Variants in KCNMA1 observed in about 807,000 individuals in gnomAD.
The protein encoded by KCNMA1 is potassium calcium-activated channel subfamily M alpha 1, also known as Calcium-activated potassium channel subunit alpha-1.
A neutral mutation model predicts 140.0 loss-of-function variants in KCNMA1; 29 were observed. The observed-to-expected ratio is 0.21, with a 90% confidence interval of 0.15 to 0.28. KCNMA1 has a LOEUF of 0.28. KCNMA1 is among the 10% of genes least tolerant of loss of function. The probability of loss-of-function intolerance (pLI) is 1.00; values close to 1 mark genes in which losing one functional copy is unlikely to be tolerated. For missense variants in KCNMA1, 880 were observed against 1,602.2 expected (o/e 0.55, Z 7.70); for synonymous variants, 612 against 611.9 (o/e 1.00, Z 0.00).
intron 1 of KCNMA1, among the ~76,000 whole-genome samples, chr10:77,492,179 C>G (rs1471004031): frequency 6.6e-6 from 1 of 152,192 alleles, no homozygotes; most frequent in Non-Finnish European, 1.5e-5. Context: ...ATGAAGGTCC[C>G]TCGTGGGCTG....
chr10:77,196,107 T>C (rs2040381313), intron 3 of KCNMA1, among the ~76,000 whole-genome samples: 1 of 152,190 alleles, frequency 6.6e-6, no homozygotes. Flanking sequence ...TTTAATTTTA[T>C]TGTCCTATCT....
chr10:77,258,351 C>G (rs1242864352), intron 2 of KCNMA1, among the ~76,000 whole-genome samples: 1 of 152,130 alleles, frequency 6.6e-6, no homozygotes, highest in Non-Finnish European at 1.5e-5. Context: ...GCAGCACAAT[C>G]AATTGCTCAT....
chr10:76,909,534 T>C (rs914847791), intron 25 of KCNMA1, among the ~76,000 whole-genome samples: 7 of 152,178 alleles, frequency 4.6e-5, no homozygotes, highest in Non-Finnish European at 1.0e-4. Flanking sequence ...TGTCTCCCCA[T>C]GGTCCAGCCT....
chr10:77,474,316 A>G (rs548822394), intron 1 of KCNMA1, among the ~76,000 whole-genome samples: 37 of 152,290 alleles, frequency 2.4e-4, no homozygotes, highest in African/African-American at 8.9e-4. Context: ...TGAACAGGTG[A>G]TTATGGTTAA....
rs990984237 is a variant in KCNMA1 at position 76,914,674 on chromosome 10, G to A, written c.3016+262C>T. ...CCATTCCCAATTGAATGCCCCAATCGCAAATCCATCATCTCATGCTCCTTT... is the reference window on the plus strand; with the variant it reads ...CCATTCCCAATTGAATGCCCCAATCACAAATCCATCATCTCATGCTCCTTT... On this transcript the variant is annotated intron_variant, in intron 24 of 27. Coordinates refer to ENST00000286628, the MANE Select transcript of KCNMA1 (RefSeq NM_001161352.2). 2.5e-5 allele frequency: 10 copies of A among 401,210 alleles called. No homozygotes were observed. In the East Asian group the frequency reaches 3.1e-4, roughly 12 times the overall value. The allele number at this position is 401,210 out of a possible 1,614,324, so 24.9% of individuals were successfully genotyped here. A position where few individuals can be genotyped will look rare whatever the true frequency, so the allele number is the denominator to read the frequency against.
intron 5 of KCNMA1, among the ~76,000 whole-genome samples, chr10:77,167,583 C>A (rs375422472): frequency 2.0e-5 from 3 of 151,992 alleles, no homozygotes; most frequent in East Asian, 3.9e-4. Context: ...ATAATGAAAC[C>A]GGCAATATTT....
intron 3 of KCNMA1, among the ~76,000 whole-genome samples, chr10:77,247,871 C>T (rs776304136): frequency 6.6e-6 from 1 of 152,060 alleles, no homozygotes. Context: ...ACGTAATTAT[C>T]TTTGGTTTTC....
intron 2 of KCNMA1, among the ~76,000 whole-genome samples, chr10:77,354,911 C>T (rs764702370): frequency 1.3e-5 from 2 of 152,204 alleles, no homozygotes; most frequent in Non-Finnish European, 2.9e-5. Flanking sequence ...GTAAACATTT[C>T]TTTGATGCCT....
chr10:77,409,859 C>A (rs1294101279), intron 1 of KCNMA1, among the ~76,000 whole-genome samples: 1 of 152,184 alleles, frequency 6.6e-6, no homozygotes, highest in Non-Finnish European at 1.5e-5. Context: ...TTCTGGGTGG[C>A]CTCCAGCAAG....
At chr10:77,509,682 C>T (rs999142179) in intron 1 of KCNMA1, among the ~76,000 whole-genome samples, 1 of 152,196 alleles carries the variant, frequency 6.6e-6, no homozygotes, top group African/African-American at 2.4e-5. Flanking sequence ...TTGATAATAG[C>T]CATCCTAATG....
At chr10:77,450,456 A>G (rs1210783945) in intron 1 of KCNMA1, among the ~76,000 whole-genome samples, 1 of 152,224 alleles carries the variant, frequency 6.6e-6, no homozygotes, top group Non-Finnish European at 1.5e-5. Context: ...CTAAGTTTTC[A>G]GAATAACATT....
chr10:77,531,994 A>C (rs2057745521), intron 1 of KCNMA1, among the ~76,000 whole-genome samples: 1 of 152,226 alleles, frequency 6.6e-6, no homozygotes, highest in Non-Finnish European at 1.5e-5. Context: ...GGAATCAATA[A>C]AGTGTAAGTG....
intron 6 of KCNMA1, among the ~76,000 whole-genome samples, chr10:77,118,009 C>T (rs761292578): frequency 1.9e-4 from 29 of 152,316 alleles, no homozygotes; most frequent in South Asian, 4.2e-4. Flanking sequence ...GCTTCTCTGC[C>T]TTATTTCTTT....
At chr10:77,236,160 C>T (rs547212) in intron 3 of KCNMA1, among the ~76,000 whole-genome samples, 62,180 of 151,964 alleles carry the variant, frequency 0.41, 14,194 homozygotes, top group East Asian at 0.78. Context: ...CGAACTTTCT[C>T]GATTGACAGT....
chr10:77,220,707 C>T (rs2049327593), intron 3 of KCNMA1, among the ~76,000 whole-genome samples: 1 of 151,984 alleles, frequency 6.6e-6, no homozygotes, highest in Non-Finnish European at 1.5e-5. Context: ...TCTAAAAATC[C>T]CCAAGCTCTT....
intron 1 of KCNMA1, among the ~76,000 whole-genome samples, chr10:77,439,079 A>C (rs187329155): frequency 3.4e-5 from 5 of 147,792 alleles, no homozygotes; most frequent in Non-Finnish European, 7.4e-5. Flanking sequence ...AAAAAAAGAA[A>C]GAAAAGAAAA....
chr10:77,271,787 G>T (rs993424694), intron 2 of KCNMA1, among the ~76,000 whole-genome samples: 7 of 152,026 alleles, frequency 4.6e-5, no homozygotes, highest in Non-Finnish European at 1.0e-4. Context: ...ATTATACATT[G>T]ATTCACCTGA....
intron 1 of KCNMA1, among the ~76,000 whole-genome samples, chr10:77,406,959 G>T (rs2096490218): frequency 6.6e-6 from 1 of 152,112 alleles, no homozygotes; most frequent in South Asian, 2.1e-4. Flanking sequence ...GAGGCAGGGG[G>T]GCCCTCCAGT....
At chr10:77,538,740 C>T (rs1229884361) in intron 1 of KCNMA1, among the ~76,000 whole-genome samples, 6 of 152,062 alleles carry the variant, frequency 3.9e-5, no homozygotes, top group African/African-American at 1.2e-4. Flanking sequence ...TCCTTAAAAC[C>T]TAAGGATATG....
Sources: gnomAD v4.1 joint callset for allele counts (sites outside exome capture counted in the v4.1 genomes callset) on GRCh38, gnomAD v4.1.1 for gene constraint, MANE v1.5 for transcripts, NCBI Gene and HGNC (gene_info 2026-07-23, HGNC 2026-07-21) for gene names.